Variants in STARD9 observed in about 807,000 individuals in gnomAD.
The protein encoded by STARD9 is StAR related lipid transfer domain containing 9.
Under a neutral mutation model 399.8 loss-of-function variants are expected in STARD9, and 346 were observed. That is an observed-to-expected ratio of 0.87 (90% CI 0.79 to 0.95). STARD9 has a LOEUF of 0.95. STARD9 is among the 40% of genes least tolerant of loss of function. STARD9 has a pLI of 0.00. For synonymous variants in STARD9, 2,203 were observed against 2,143.5 expected, an observed-to-expected ratio of 1.03 and a Z score of -0.77; for missense variants, 5,832 against 5,667.5, an observed-to-expected ratio of 1.03 and a Z score of -0.93.
intron 17 of STARD9, 113 bp downstream of exon 17, chr15:42,674,604 G>C: frequency 8.2e-7 from 1 of 1,226,570 alleles, no homozygotes; most frequent in East Asian, 2.5e-5. Context: ...GGCGTATTCA[G>C]GGCCTGCTTC....
At chr15:42,683,710 ATTC>A (rs1314342994) in intron 22 of STARD9, among the ~76,000 whole-genome samples, 6 of 152,034 alleles carry the variant, frequency 3.9e-5, no homozygotes, top group African/African-American at 1.4e-4. Flanking sequence ...TCTTTTAATC[ATTC>A]TTCTTGTTTT....
In STARD9 at chr15:42,674,921, A is replaced by G. The variant is rs1471701144; in HGVS notation, c.1644A>G (p.Thr548=). Reference sequence around the variant, plus strand: ...GACCTGCCCGTGGGGCCCGCTGTACAGTCAATGGCCGGGAGGTCACTGCCT... The same window carrying G: ...GACCTGCCCGTGGGGCCCGCTGTACGGTCAATGGCCGGGAGGTCACTGCCT... ...VLRPARGARC[T]VNGREVTASC... Residue 548 remains threonine, a synonymous_variant, in exon 18 of 33, where the codon ACA becomes ACG. Transcript: ENST00000290607. 9 of 1,536,844 alleles carry G rather than the reference A, an allele frequency of 5.9e-6. No homozygotes were observed. Among genetic ancestry groups the G allele is most frequent in the Admixed American group, 3.9e-5 (2 of 50,952 alleles).
chr15:42,665,250 C>T lies in STARD9; in HGVS notation c.1177-3C>T, dbSNP rs1265115223. On this transcript the variant is annotated splice_polypyrimidine_tract_variant and splice_region_variant and intron_variant, in intron 13 of 32. Transcript: ENST00000290607. ...AGTGGTGATGGAGTTCTCTGTGTTT[C>T]AGGATGCAAACTTAAAACTGATTAG... 2 of 1,536,014 alleles carry T rather than the reference C, an allele frequency of 1.3e-6. No homozygotes were observed. Among genetic ancestry groups the T allele is most frequent in the African/African-American group, 2.7e-5 (2 of 72,996 alleles).
At chr15:42,695,510 C>G (rs1037092619) in intron 25 of STARD9, among the ~76,000 whole-genome samples, 187 bp downstream of exon 25, 9 of 152,210 alleles carry the variant, frequency 5.9e-5, no homozygotes, top group African/African-American at 2.2e-4. Context: ...TTTCCCCAGG[C>G]CACGGCCTGG....
chr15:42,590,563 G>A (rs570987096), intron 3 of STARD9, among the ~76,000 whole-genome samples: 3 of 152,318 alleles, frequency 2.0e-5, no homozygotes, highest in Admixed American at 2.0e-4. Flanking sequence ...CACCTGATCA[G>A]TGTTGGTGCT....
intron 3 of STARD9, among the ~76,000 whole-genome samples, chr15:42,609,984 T>G (rs2058815653): frequency 6.6e-6 from 1 of 151,942 alleles, no homozygotes; most frequent in Non-Finnish European, 1.5e-5. Flanking sequence ...TCCCAGCTAC[T>G]CGCGAGGCTG....
At chr15:42,650,937 G>A in intron 7 of STARD9, 79 bp from the exon 8 acceptor site, 1 of 993,172 alleles carries the variant, frequency 1.0e-6, no homozygotes, top group Non-Finnish European at 1.5e-6. Context: ...AAATAGGAAT[G>A]ATAAAGACTT....
Position 42,694,278 on chromosome 15 carries a change from G to A in STARD9, c.12700G>A (p.Gly4234Arg). Residue 4234 changes from glycine (G) to arginine (R), a missense_variant, in exon 23 of 33, where the codon GGG (glycine) becomes AGG (arginine). Physicochemically the swap from Gly to Arg is moderately radical, Grantham distance 125. Around this residue, in one of 2 missense-constraint regions of STARD9, gnomAD observed 5,828 missense variants for 5,651.1 expected, o/e 1.03. Transcript: ENST00000290607. ...ADALLQVLQS[G>R]TGEALAADEP... ...TGCCCTGCTCCAGGTGCTGCAGAGTGGGACAGGGGAGGCGCTTGCTGCTGA... is the reference window on the plus strand; with the variant it reads ...TGCCCTGCTCCAGGTGCTGCAGAGTAGGACAGGGGAGGCGCTTGCTGCTGA... 1 of 1,520,040 alleles carries A rather than the reference G, an allele frequency of 6.6e-7. No individual in the cohort carries two copies. The highest frequency in any genetic ancestry group is 8.8e-7 in the Non-Finnish European group (1 of 1,137,988). The allele number at this position is 1,520,040 out of a possible 1,614,324, so 94.2% of individuals were successfully genotyped here.
At chr15:42,705,824 C>T (rs936661954) in intron 26 of STARD9, among the ~76,000 whole-genome samples, 4 of 152,120 alleles carry the variant, frequency 2.6e-5, no homozygotes, top group Non-Finnish European at 5.9e-5. Flanking sequence ...GTGATCTCAG[C>T]TTACTGCAAC....
chr15:42,648,085 T>C (rs955030608), intron 7 of STARD9, among the ~76,000 whole-genome samples: 3 of 152,236 alleles, frequency 2.0e-5, no homozygotes, highest in Non-Finnish European at 4.4e-5. Context: ...CTACCTTTTA[T>C]CTCTGAGTGC....
intron 1 of STARD9, among the ~76,000 whole-genome samples, chr15:42,579,312 A>G (rs944904082): frequency 6.6e-6 from 1 of 152,214 alleles, no homozygotes; most frequent in African/African-American, 2.4e-5. Flanking sequence ...CTGGGGGATG[A>G]GAGGAGACAA....
chr15:42,719,019 G>C (rs1457464956), intron 32 of STARD9, 109 bp downstream of exon 32: 8 of 1,035,848 alleles, frequency 7.7e-6, no homozygotes, highest in Non-Finnish European at 1.1e-5. Context: ...CAGGCCCTTT[G>C]GCCTGAGACC....
chr15:42,602,901 G>C (rs1257106770), intron 3 of STARD9, among the ~76,000 whole-genome samples: 2 of 152,130 alleles, frequency 1.3e-5, no homozygotes, highest in Non-Finnish European at 2.9e-5. Context: ...GAAAGTCTAG[G>C]GTTTTCCTTT....
chr15:42,666,083 A>C (rs2060096848), intron 15 of STARD9, among the ~76,000 whole-genome samples: 1 of 152,188 alleles, frequency 6.6e-6, no homozygotes, highest in Non-Finnish European at 1.5e-5. Context: ...TTGGATAGTG[A>C]GAGTAGCCTG....
intron 6 of STARD9, 42 bp downstream of exon 6, chr15:42,638,129 TCTA>T (rs2059453057): frequency 6.7e-7 from 1 of 1,499,072 alleles, no homozygotes; most frequent in Non-Finnish European, 9.0e-7. Context: ...TAGTTCTTCT[TCTA>T]CTCCAAATTC....
At chr15:42,668,655 C>T (rs2060148635) in intron 15 of STARD9, among the ~76,000 whole-genome samples, 1 of 152,110 alleles carries the variant, frequency 6.6e-6, no homozygotes, top group Non-Finnish European at 1.5e-5. Context: ...CTTAGTTCCA[C>T]CTGGGGAGAT....
At chr15:42,615,593 A>T (rs75939632) in intron 3 of STARD9, among the ~76,000 whole-genome samples, 2,272 of 151,726 alleles carry the variant, frequency 0.015, 51 homozygotes, top group African/African-American at 0.052. Context: ...TATATATATA[A>T]AAATGTGTGT....
chr15:42,610,736 G>A (rs945465041), intron 3 of STARD9, among the ~76,000 whole-genome samples: 2 of 152,036 alleles, frequency 1.3e-5, no homozygotes, highest in Non-Finnish European at 1.5e-5. Flanking sequence ...TAGTAGAGAC[G>A]GGGTTTCGCC....
intron 9 of STARD9, among the ~76,000 whole-genome samples, chr15:42,655,979 C>T (rs2059860688): frequency 6.6e-6 from 1 of 152,084 alleles, no homozygotes; most frequent in African/African-American, 2.4e-5. Flanking sequence ...AAAAAATGCT[C>T]AACATCACTG....
Sources: gnomAD v4.1 joint callset for allele counts (sites outside exome capture counted in the v4.1 genomes callset) on GRCh38, gnomAD v4.1.1 for gene constraint, gnomAD v4.1.1 regional missense constraint, MANE v1.5 for transcripts, NCBI Gene and HGNC (gene_info 2026-07-23, HGNC 2026-07-21) for gene names.